CREB5: variants seen among roughly 807,000 people sequenced by gnomAD.
CREB5 encodes cyclic AMP-responsive element-binding protein 5.
Under a neutral mutation model 57.1 loss-of-function variants are expected in CREB5, and 19 were observed. The ratio of observed to expected loss-of-function variants is 0.33; its 90% CI spans 0.23 to 0.49. The LOEUF (loss-of-function observed/expected upper bound fraction) is 0.49. Ranked by LOEUF, CREB5 falls within the 20% of genes least tolerant of loss-of-function variation. CREB5 has a pLI of 0.99. For missense variants in CREB5, 579 were observed against 671.6 expected (o/e 0.86, Z 1.52); for synonymous variants, 238 against 238.3 (o/e 1.00, Z 0.01).
chr7:28,603,932 G>C (rs999249100), intron 5 of CREB5, among the ~76,000 whole-genome samples: 1 of 152,172 alleles, frequency 6.6e-6, no homozygotes, highest in Non-Finnish European at 1.5e-5. Flanking sequence ...TGTTTCACAA[G>C]TTTAAGGGCA....
chr7:28,571,452 A>G (rs567589536), intron 5 of CREB5, among the ~76,000 whole-genome samples: 2 of 152,074 alleles, frequency 1.3e-5, no homozygotes, highest in African/African-American at 4.8e-5. Flanking sequence ...GTCCATGCTG[A>G]TTTCTGGAGT....
intron 8 of CREB5, among the ~76,000 whole-genome samples, chr7:28,808,971 T>C (rs1054982969): frequency 6.6e-6 from 1 of 152,204 alleles, no homozygotes; most frequent in African/African-American, 2.4e-5. Context: ...TCCTATATCT[T>C]GCCAACACAT....
At chr7:28,559,266 G>A (rs565010589) in intron 4 of CREB5, among the ~76,000 whole-genome samples, 27 of 152,274 alleles carry the variant, frequency 1.8e-4, no homozygotes, top group Middle Eastern at 3.4e-3. Context: ...TGGCCTCTGC[G>A]TGTTGATATG....
intron 1 of CREB5, among the ~76,000 whole-genome samples, chr7:28,358,175 C>A (rs7799687): frequency 0.23 from 34,595 of 152,150 alleles, 4,098 homozygotes; most frequent in South Asian, 0.31. Flanking sequence ...TGTCCTCTGA[C>A]AATCAGAACG....
chr7:28,305,869 C>T (rs1785172576), intron 1 of CREB5, among the ~76,000 whole-genome samples: 1 of 152,036 alleles, frequency 6.6e-6, no homozygotes, highest in African/African-American at 2.4e-5. Context: ...GATGTAACAA[C>T]TAACATTATG....
chr7:28,580,179 G>A (rs1796063251), intron 5 of CREB5, among the ~76,000 whole-genome samples: 1 of 152,032 alleles, frequency 6.6e-6, no homozygotes, highest in Non-Finnish European at 1.5e-5. Context: ...ACCTATAGAT[G>A]CCTACTCCAA....
chr7:28,307,102 A>G (rs1397809517), intron 1 of CREB5, among the ~76,000 whole-genome samples: 1 of 152,306 alleles, frequency 6.6e-6, no homozygotes, highest in East Asian at 1.9e-4. Context: ...TCAGCCGATA[A>G]AGAGATGGAT....
chr7:28,639,929 C>G (rs1241453654), intron 5 of CREB5, among the ~76,000 whole-genome samples: 1 of 152,144 alleles, frequency 6.6e-6, no homozygotes, highest in Non-Finnish European at 1.5e-5. Flanking sequence ...ACGGCACACA[C>G]AAGTATGAGA....
intron 5 of CREB5, among the ~76,000 whole-genome samples, chr7:28,688,950 A>G (rs1391450580): frequency 2.6e-5 from 4 of 152,120 alleles, no homozygotes; most frequent in Non-Finnish European, 5.9e-5. Flanking sequence ...GACAGAGACA[A>G]GGCCAGGAGC....
At chr7:28,717,468 A>G (rs1802759032) in intron 5 of CREB5, among the ~76,000 whole-genome samples, 2 of 152,172 alleles carry the variant, frequency 1.3e-5, no homozygotes, top group Admixed American at 1.3e-4. Context: ...CATGTGAAGG[A>G]AGAATATGTT....
At chr7:28,436,518 G>A (rs1465254153) in intron 1 of CREB5, among the ~76,000 whole-genome samples, 2 of 152,116 alleles carry the variant, frequency 1.3e-5, no homozygotes, top group Non-Finnish European at 2.9e-5. Flanking sequence ...TTTTGGAGGG[G>A]TAGAAAAGTT....
intron 1 of CREB5, among the ~76,000 whole-genome samples, chr7:28,337,836 C>G (rs531296791): frequency 1.4e-4 from 21 of 151,936 alleles, no homozygotes; most frequent in African/African-American, 4.6e-4. Flanking sequence ...GATATGTTTC[C>G]ATTTCTTGCT....
At chr7:28,782,445 GT>G (rs1807043591) in intron 7 of CREB5, among the ~76,000 whole-genome samples, 1 of 152,136 alleles carries the variant, frequency 6.6e-6, no homozygotes, top group Non-Finnish European at 1.5e-5. Flanking sequence ...GATAAAATAA[GT>G]CAGTTTTAAT....
intron 2 of CREB5, among the ~76,000 whole-genome samples, chr7:28,492,328 G>T (rs746942100): frequency 6.6e-6 from 1 of 152,128 alleles, no homozygotes. Context: ...CCGTTTCTTC[G>T]ACATTATCTT....
At chr7:28,752,449 G>A (rs1805039480) in intron 7 of CREB5, among the ~76,000 whole-genome samples, 1 of 152,250 alleles carries the variant, frequency 6.6e-6, no homozygotes, top group Admixed American at 6.5e-5. Context: ...TTACAGGCAT[G>A]AGCCATCGTG....
chr7:28,606,281 T>C (rs1035185449), intron 5 of CREB5, among the ~76,000 whole-genome samples: 4 of 152,236 alleles, frequency 2.6e-5, no homozygotes, highest in Non-Finnish European at 5.9e-5. Context: ...CTTCAAGATA[T>C]ATTCATGCTT....
At chr7:28,753,031 T>C (rs1217134184) in intron 7 of CREB5, among the ~76,000 whole-genome samples, 1 of 152,084 alleles carries the variant, frequency 6.6e-6, no homozygotes, top group African/African-American at 2.4e-5. Flanking sequence ...TTATATGCCA[T>C]ACACATGATT....
intron 1 of CREB5, among the ~76,000 whole-genome samples, chr7:28,447,528 T>G (rs1789545441): frequency 6.6e-6 from 1 of 152,196 alleles, no homozygotes; most frequent in African/African-American, 2.4e-5. Context: ...TCCATGATCT[T>G]TAGCCATGCT....
At chr7:28,669,687 C>T (rs992581033) in intron 5 of CREB5, among the ~76,000 whole-genome samples, 8 of 152,232 alleles carry the variant, frequency 5.3e-5, no homozygotes, top group South Asian at 2.1e-4. Context: ...CAACAGGGGA[C>T]GGCTTGGCTG....
Sources: gnomAD v4.1 joint callset for allele counts (sites outside exome capture counted in the v4.1 genomes callset) on GRCh38, gnomAD v4.1.1 for gene constraint, MANE v1.5 for transcripts, NCBI Gene and HGNC (gene_info 2026-07-23, HGNC 2026-07-21) for gene names.